KIRREL3: variants seen among roughly 807,000 people sequenced by gnomAD.
KIRREL3 encodes the protein kirre like nephrin family adhesion molecule 3, also known as kin of IRRE-like protein 3.
A neutral mutation model predicts 89.7 loss-of-function variants in KIRREL3; 36 were observed. That is an observed-to-expected ratio of 0.40 (90% CI 0.31 to 0.53). The LOEUF is 0.53. Ranked by LOEUF, KIRREL3 falls within the 20% of genes least tolerant of loss-of-function variation. The pLI is 0.49. For synonymous variants in KIRREL3, 445 were observed against 441.4 expected (o/e 1.01, Z -0.10); for missense variants, 864 against 1,056.6 (o/e 0.82, Z 2.53).
Position 126,992,246 on chromosome 11 carries a change from T to C in KIRREL3, c.55+8209A>G, listed in dbSNP as rs1417974848. ...GCTAAGAGATAATATTCAGAGAATC[T>C]TACAGTTGGAGAGGTTTTGGACGTC... On this transcript the variant is annotated intron_variant, in intron 1 of 16. Transcript: ENST00000525144. Among the ~76,000 whole-genome samples, 3 of 152,190 alleles carry C rather than the reference T, an allele frequency of 2.0e-5. No homozygotes were observed. In the East Asian group the frequency reaches 5.8e-4, roughly 29 times the overall value.
Position 126,742,725 on chromosome 11 carries a change from A to T in KIRREL3, c.56-179813T>A, listed in dbSNP as rs1382614164. ...CCTAGCAGCTAAGAAATCAGCAGAC[A>T]GTGGACTTTAGAACCAGGCAGGCAA... is the stretch of plus-strand genomic sequence containing the variant. On this transcript the variant is annotated intron_variant, in intron 1 of 16. Coordinates refer to ENST00000525144, the MANE Select transcript of KIRREL3 (RefSeq NM_032531.4). This position sits in a 1 kb window ranked among gnomAD's most constrained non-coding sequence, Gnocchi z 5.3. 6.6e-6 allele frequency among the ~76,000 whole-genome samples: 1 copy of T among 152,234 alleles called. No individual in the cohort carries two copies. The highest frequency in any genetic ancestry group is 6.5e-5 in the Admixed American group (1 of 15,278).
Position 126,555,491 on chromosome 11 carries a change from A to G in KIRREL3, c.133+7344T>C, listed in dbSNP as rs73634684. Among the ~76,000 whole-genome samples, 10,919 of 152,196 alleles carry G rather than the reference A, an allele frequency of 0.072. 1,068 individuals carry two copies. The highest frequency in any genetic ancestry group is 0.23 in the African/African-American group (9,354 of 41,484). ...GGGTCAGTGGAGGCATCACTGGAGC[A>G]GAGACTTGAGCTGTGATTTGAAGGA... On this transcript the variant is annotated intron_variant, in intron 2 of 16. Transcript: ENST00000525144. This position sits in a 1 kb window ranked among gnomAD's most constrained non-coding sequence, Gnocchi z 4.2.
At chr11:126,630,924 C>T (rs1943993290) in intron 1 of KIRREL3, among the ~76,000 whole-genome samples, 1 of 152,180 alleles carries the variant, frequency 6.6e-6, no homozygotes, top group Non-Finnish European at 1.5e-5. Flanking sequence ...CCACTCCACC[C>T]GAGTCAAGGC....
chr11:126,627,464 G>T lies in KIRREL3; in HGVS notation c.56-64552C>A, dbSNP rs866469459. ...TGGCGTCATCTTCACCAAGTCTAGG[G>T]TGGTCACCTGGTGATGGGAACAAGC... On this transcript the variant is annotated intron_variant, in intron 1 of 16. Transcript: ENST00000525144. The surrounding 1 kb of genome is among the most constrained non-coding windows in gnomAD (Gnocchi z 5.0). Among the ~76,000 whole-genome samples the T allele has an allele frequency of 6.6e-6, 1 of 152,202 alleles. No homozygotes were observed. Among genetic ancestry groups the T allele is most frequent in the South Asian group, 2.1e-4 (1 of 4,838 alleles).
At position 126,429,253 on chromosome 11, in the gene KIRREL3, G is replaced by A; in HGVS notation, c.1732C>T (p.Arg578Ter). ...KGVVSAKNDI[R>*]VEIVHKEPAS... ...GGTTCCTTGTGGACAATTTCCACTC[G>A]GATATCATTTTTGGCTGACACAACA... The change falls in exon 15 of 17, where the codon CGA becomes TGA. Residue 578 changes from arginine to a stop codon, truncating the protein, a stop_gained. Coordinates refer to ENST00000525144, the MANE Select transcript of KIRREL3 (RefSeq NM_032531.4). LOFTEE classifies it high-confidence loss of function. The surrounding 1 kb of genome is among the most constrained non-coding windows in gnomAD (Gnocchi z 5.2). 2 of 1,613,782 alleles carry A rather than the reference G, an allele frequency of 1.2e-6. No individual in the cohort carries two copies. Among genetic ancestry groups the A allele is most frequent in the Non-Finnish European group, 1.7e-6 (2 of 1,179,724 alleles).
chr11:126,831,458 C>T (rs571963613), intron 1 of KIRREL3, among the ~76,000 whole-genome samples: 36 of 81,078 alleles, frequency 4.4e-4, no homozygotes, highest in South Asian at 3.2e-3. Context: ...TCTCTTTACC[C>T]AACCACTTTT....
intron 1 of KIRREL3, among the ~76,000 whole-genome samples, chr11:126,728,138 A>G (rs1168975447): frequency 1.3e-5 from 2 of 152,056 alleles, no homozygotes; most frequent in Admixed American, 1.3e-4. Flanking sequence ...AAGGTCACAG[A>G]TGGACAAGGT....
rs1256075086 is a variant in KIRREL3, at chr11:126,642,373, T to C, written c.56-79461A>G. On this transcript the variant is annotated intron_variant, in intron 1 of 16. Transcript: ENST00000525144. The surrounding 1 kb of genome is among the most constrained non-coding windows in gnomAD (Gnocchi z 4.9). ...GGCAATGCCTTCCTGGGAGATAACA[T>C]TGCATTTATTCCAGGACTCCTACAG... Among the ~76,000 whole-genome samples, 2 of 152,202 alleles carry C rather than the reference T, an allele frequency of 1.3e-5. No homozygotes were observed. Among genetic ancestry groups the C allele is most frequent in the East Asian group, 1.9e-4 (1 of 5,194 alleles).
chr11:126,533,203 G>GT (rs1294648905), intron 2 of KIRREL3, among the ~76,000 whole-genome samples: 1 of 152,156 alleles, frequency 6.6e-6, no homozygotes, highest in Non-Finnish European at 1.5e-5. Flanking sequence ...GATAGGTACC[G>GT]TATCACACCT....
chr11:126,771,919 C>T lies in KIRREL3; in HGVS notation c.56-209007G>A, dbSNP rs569824030. On this transcript the variant is annotated intron_variant, in intron 1 of 16. Transcript: ENST00000525144. The surrounding 1 kb of genome is among the most constrained non-coding windows in gnomAD (Gnocchi z 4.4). ...CTGAGCATGCAGCAATAGAAGACGA[C>T]GTCCTCTTGCCTTGGCTAGATCCTA... Among the ~76,000 whole-genome samples the T allele has an allele frequency of 5.7e-4, 87 of 152,216 alleles. No homozygotes were observed. Among genetic ancestry groups the T allele is most frequent in the Non-Finnish European group, 9.4e-4 (64 of 68,048 alleles).
chr11:126,763,660 C>T lies in KIRREL3; in HGVS notation c.56-200748G>A, dbSNP rs940790871. 6.6e-6 allele frequency among the ~76,000 whole-genome samples: 1 copy of T among 152,148 alleles called. No individual in the cohort carries two copies. ...CAGCGCGGGTTTGAAATCTATCTTC[C>T]CCATACTTGCTGCATGACCTTCAAT... On this transcript the variant is annotated intron_variant, in intron 1 of 16. Coordinates refer to ENST00000525144, the MANE Select transcript of KIRREL3 (RefSeq NM_032531.4). The surrounding 1 kb of genome is among the most constrained non-coding windows in gnomAD (Gnocchi z 4.7).
At position 126,763,960 on chromosome 11, in the gene KIRREL3, C is replaced by T. The variant is rs556426293; in HGVS notation, c.56-201048G>A. On this transcript the variant is annotated intron_variant, in intron 1 of 16. Coordinates refer to ENST00000525144, the MANE Select transcript of KIRREL3 (RefSeq NM_032531.4). The surrounding 1 kb of genome is among the most constrained non-coding windows in gnomAD (Gnocchi z 4.7). ...CTCTTTTCCTGTATCTTTTTTCCCC[C>T]ACAACTCTGCATTCCCCTCCCCATC... 1.3e-5 allele frequency among the ~76,000 whole-genome samples: 2 copies of T among 152,206 alleles called. No homozygotes were observed. The highest frequency in any genetic ancestry group is 2.4e-5 in the African/African-American group (1 of 41,522).
Position 126,640,334 on chromosome 11 carries a change from ACACACACACAGACGCGCGTGTGCGCGCG to A in KIRREL3, c.56-77450_56-77423del, listed in dbSNP as rs1157762023. On this transcript the variant is annotated intron_variant, in intron 1 of 16. Transcript: ENST00000525144. This position sits in a 1 kb window ranked among gnomAD's most constrained non-coding sequence, Gnocchi z 4.9. The stretch of plus-strand genomic sequence containing the variant: ...AGGTTGTCAAGACTAACTGAACACA[ACACACACACAGACGCGCGTGTGCGCGCG>A]CACACACACGCACACGCGCACACAC... Among the ~76,000 whole-genome samples the A allele has an allele frequency of 6.6e-6, 1 of 152,036 alleles. No homozygotes were observed.
chr11:126,701,917 G>A (rs895174809), intron 1 of KIRREL3, among the ~76,000 whole-genome samples: 17 of 152,278 alleles, frequency 1.1e-4, no homozygotes, highest in African/African-American at 4.1e-4. Flanking sequence ...GTCAAGTCCC[G>A]GGGTCTCGAT....
chr11:126,788,797 C>A lies in KIRREL3; in HGVS notation c.55+211658G>T, dbSNP rs1328980472. Among the ~76,000 whole-genome samples the A allele has an allele frequency of 6.6e-6, 1 of 152,174 alleles. No homozygotes were observed. Among genetic ancestry groups the A allele is most frequent in the African/African-American group, 2.4e-5 (1 of 41,444 alleles). On this transcript the variant is annotated intron_variant, in intron 1 of 16. Coordinates refer to ENST00000525144, the MANE Select transcript of KIRREL3 (RefSeq NM_032531.4). This position sits in a 1 kb window ranked among gnomAD's most constrained non-coding sequence, Gnocchi z 4.1. ...CAGCTGCATGTTGTATTATCCGCAT[C>A]ATAGGGCAAGGAGAGAGAAATAATA...
intron 1 of KIRREL3, among the ~76,000 whole-genome samples, chr11:126,794,960 T>C (rs936791729): frequency 1.3e-5 from 2 of 152,226 alleles, no homozygotes; most frequent in Non-Finnish European, 2.9e-5. Flanking sequence ...ACAACTTAAA[T>C]GCACATTGCT....
intron 1 of KIRREL3, among the ~76,000 whole-genome samples, chr11:126,699,145 T>C (rs1333082731): frequency 6.6e-6 from 1 of 152,082 alleles, no homozygotes; most frequent in African/African-American, 2.4e-5. Flanking sequence ...GCTAGAGGTG[T>C]GGTGGTGGCA....
chr11:126,872,773 A>G lies in KIRREL3; in HGVS notation c.55+127682T>C, dbSNP rs1264169696. On this transcript the variant is annotated intron_variant, in intron 1 of 16. Transcript: ENST00000525144. The surrounding 1 kb of genome is among the most constrained non-coding windows in gnomAD (Gnocchi z 4.2). ...CTGAATATGAATGAGAAAGTAAATTAGATACTGATCAGCTCTCCATTTCCA... is the reference window on the plus strand; with the variant it reads ...CTGAATATGAATGAGAAAGTAAATTGGATACTGATCAGCTCTCCATTTCCA... Among the ~76,000 whole-genome samples the G allele has an allele frequency of 1.3e-5, 2 of 152,236 alleles. No individual in the cohort carries two copies. The highest frequency in any genetic ancestry group is 2.9e-5 in the Non-Finnish European group (2 of 68,038).
chr11:126,748,826 A>G lies in KIRREL3; in HGVS notation c.56-185914T>C, dbSNP rs1381559330. 6.6e-6 allele frequency among the ~76,000 whole-genome samples: 1 copy of G among 152,122 alleles called. No homozygotes were observed. The highest frequency in any genetic ancestry group is 1.5e-5 in the Non-Finnish European group (1 of 68,016). On this transcript the variant is annotated intron_variant, in intron 1 of 16. Transcript: ENST00000525144. The surrounding 1 kb of genome is among the most constrained non-coding windows in gnomAD (Gnocchi z 4.6). ...GTAGGCTTCAGTCTATCCAGTGCCT[A>G]GCTACTGTGTTGTTGAAACGAGCTT... is the stretch of plus-strand genomic sequence containing the variant.
Sources: gnomAD v4.1 joint callset for allele counts (sites outside exome capture counted in the v4.1 genomes callset) on GRCh38, gnomAD v4.1.1 for gene constraint, Gnocchi (gnomAD v3.1) non-coding constraint, MANE v1.5 for transcripts, NCBI Gene and HGNC (gene_info 2026-07-23, HGNC 2026-07-21) for gene names.